The following CTDSPL variants were observed in gnomAD, a reference collection of about 807,000 sequenced individuals.
CTDSPL encodes CTD small phosphatase-like protein.
CTDSPL carries 8 observed loss-of-function variants against 30.5 expected under a neutral mutation model. The ratio of observed to expected loss-of-function variants is 0.26; its 90% CI spans 0.15 to 0.47. The LOEUF is 0.47. Among genes scored for constraint, CTDSPL ranks in the 20% least tolerant of loss-of-function variants. The pLI, the probability that CTDSPL is intolerant of heterozygous loss-of-function variation, is 0.99. For missense variants in CTDSPL, 248 were observed against 366.1 expected (o/e 0.68, Z 2.63); for synonymous variants, 110 against 137.9 (o/e 0.80, Z 1.42).
At position 37,862,118 on chromosome 3, in the gene CTDSPL, C is replaced by G. The variant is rs1428756351; in HGVS notation, c.-82C>G. 1.9e-6 allele frequency: 1 copy of G among 518,076 alleles called. No individual in the cohort carries two copies. Among genetic ancestry groups the G allele is most frequent in the Non-Finnish European group, 2.4e-6 (1 of 409,252 alleles). 32.1% of individuals were successfully genotyped at this position (518,076 alleles called of 1,614,324 possible). A position where few individuals can be genotyped will look rare whatever the true frequency, so the allele number is the denominator to read the frequency against. On this transcript the variant is annotated 5_prime_UTR_variant, in exon 1 of 8. Transcript: ENST00000273179. The surrounding 1 kb of genome is among the most constrained non-coding windows in gnomAD (Gnocchi z 4.3). ...GCTGCGAGCGCCCCCCCGCGCCGCGCCCCCGCGCCCCCCGCGCCGCGCCCC... is the reference window on the plus strand; with the variant it reads ...GCTGCGAGCGCCCCCCCGCGCCGCGGCCCCGCGCCCCCCGCGCCGCGCCCC...
chr3:37,880,885 G>A (rs1167192953), intron 1 of CTDSPL, among the ~76,000 whole-genome samples: 1 of 152,140 alleles, frequency 6.6e-6, no homozygotes, highest in African/African-American at 2.4e-5. Context: ...TTTGTCAAAA[G>A]ACGTTAGTGG....
At chr3:37,957,217 G>T in intron 3 of CTDSPL, 74 bp downstream of exon 3, 2 of 1,060,240 alleles carry the variant, frequency 1.9e-6, no homozygotes, top group South Asian at 1.5e-5. Context: ...CTTATATAAA[G>T]GATTTTTTTT....
intron 1 of CTDSPL, among the ~76,000 whole-genome samples, chr3:37,941,250 A>G (rs9855566): frequency 0.25 from 37,635 of 149,196 alleles, 7,988 homozygotes; most frequent in African/African-American, 0.52. Context: ...CAGGGTTTCT[A>G]CTCCACCCGA....
At chr3:37,874,779 C>T (rs1698117334) in intron 1 of CTDSPL, among the ~76,000 whole-genome samples, 1 of 152,044 alleles carries the variant, frequency 6.6e-6, no homozygotes, top group African/African-American at 2.4e-5. Context: ...GACACACGCA[C>T]ACACACAAGT....
intron 2 of CTDSPL, among the ~76,000 whole-genome samples, chr3:37,952,926 T>C (rs529007846): frequency 6.6e-6 from 1 of 152,356 alleles, no homozygotes; most frequent in South Asian, 2.1e-4. Flanking sequence ...GGCTGAGCCT[T>C]TTGTTCTGTG....
intron 1 of CTDSPL, among the ~76,000 whole-genome samples, chr3:37,888,299 A>C (rs1468613042): frequency 6.6e-6 from 1 of 152,242 alleles, no homozygotes; most frequent in African/African-American, 2.4e-5. Context: ...AGATTGCATC[A>C]GTCTCTAAGG....
chr3:37,914,857 A>G (rs1472161872), intron 1 of CTDSPL, among the ~76,000 whole-genome samples: 1 of 138,242 alleles, frequency 7.2e-6, no homozygotes, highest in African/African-American at 2.7e-5. Flanking sequence ...AAGAGTTTAT[A>G]TAAGATATAT....
intron 1 of CTDSPL, among the ~76,000 whole-genome samples, chr3:37,867,339 G>T (rs903460159): frequency 6.6e-6 from 1 of 151,998 alleles, no homozygotes. Context: ...ATATACCACA[G>T]TTTGTTTAAC....
rs1020169407 is a variant in CTDSPL at position 37,982,621 on chromosome 3, C to T, written c.*1754C>T. On this transcript the variant is annotated 3_prime_UTR_variant, in exon 8 of 8. Transcript: ENST00000273179. ...CAACAGCACTTTGGTCTGTGGACTG[C>T]TGTGTGAATATTCAGAAGGGAAGTA... 5 of 456,598 alleles carry T rather than the reference C, an allele frequency of 1.1e-5. No homozygotes were observed. Among genetic ancestry groups the T allele is most frequent in the Non-Finnish European group, 2.2e-5 (5 of 226,986 alleles). The allele number at this position is 456,598 out of a possible 1,614,324, so 28.3% of individuals were successfully genotyped here.
chr3:37,912,140 G>A (rs1366315719), intron 1 of CTDSPL, among the ~76,000 whole-genome samples: 2 of 152,208 alleles, frequency 1.3e-5, no homozygotes. Flanking sequence ...CCTGATTTAT[G>A]TTGTCTTTGG....
At chr3:37,936,637 A>T (rs1698918747) in intron 1 of CTDSPL, among the ~76,000 whole-genome samples, 1 of 141,430 alleles carries the variant, frequency 7.1e-6, no homozygotes, top group Non-Finnish European at 1.5e-5. Flanking sequence ...CTTCAGAAAG[A>T]GTTCCTCCTC....
chr3:37,870,938 G>C (rs954822572), intron 1 of CTDSPL, among the ~76,000 whole-genome samples: 1 of 152,084 alleles, frequency 6.6e-6, no homozygotes, highest in Non-Finnish European at 1.5e-5. Flanking sequence ...TATTACAATT[G>C]ATAAACCTGT....
intron 1 of CTDSPL, among the ~76,000 whole-genome samples, chr3:37,891,490 T>G (rs1310001115): frequency 6.6e-6 from 1 of 152,268 alleles, no homozygotes; most frequent in African/African-American, 2.4e-5. Context: ...GTGGAGACTG[T>G]GTGCATTAAA....
chr3:37,915,196 T>C (rs1379036657), intron 1 of CTDSPL, among the ~76,000 whole-genome samples: 1 of 152,232 alleles, frequency 6.6e-6, no homozygotes, highest in Non-Finnish European at 1.5e-5. Flanking sequence ...TAATTGATAC[T>C]CCATTGATCT....
At chr3:37,931,145 C>CTT (rs35669035) in intron 1 of CTDSPL, among the ~76,000 whole-genome samples, 1 of 139,306 alleles carries the variant, frequency 7.2e-6, no homozygotes, top group African/African-American at 2.6e-5. Flanking sequence ...TCCTCTTTGT[C>CTT]TTTTTTTTTT....
chr3:37,972,686 G>A (rs531257127), intron 6 of CTDSPL, among the ~76,000 whole-genome samples: 5 of 152,348 alleles, frequency 3.3e-5, no homozygotes, highest in African/African-American at 1.2e-4. Flanking sequence ...CTTCACAGGT[G>A]TGGCAGGGTG....
chr3:37,884,753 T>C (rs1259355360), intron 1 of CTDSPL, among the ~76,000 whole-genome samples: 1 of 151,840 alleles, frequency 6.6e-6, no homozygotes, highest in Non-Finnish European at 1.5e-5. Context: ...GAGGAAAAGA[T>C]GATTGAAGAT....
At chr3:37,879,920 C>T (rs566562622) in intron 1 of CTDSPL, among the ~76,000 whole-genome samples, 1 of 151,698 alleles carries the variant, frequency 6.6e-6, no homozygotes, top group Non-Finnish European at 1.5e-5. Context: ...ATTATTAATA[C>T]TATCTCTTAT....
intron 1 of CTDSPL, among the ~76,000 whole-genome samples, chr3:37,893,687 A>G (rs931951238): frequency 2.0e-5 from 3 of 152,220 alleles, no homozygotes; most frequent in African/African-American, 7.2e-5. Context: ...AGGAATAAGT[A>G]TAAATATTCC....
Sources: allele counts gnomAD v4.1 joint callset (sites outside exome capture counted in the v4.1 genomes callset), GRCh38; gene constraint gnomAD v4.1.1; non-coding constraint Gnocchi (gnomAD v3.1); transcripts MANE v1.5; gene names NCBI Gene and HGNC (gene_info 2026-07-23, HGNC 2026-07-21).